SESN3: variants seen among roughly 807,000 people sequenced by gnomAD.
The protein encoded by SESN3 is sestrin 3, also known as sestrin-3.
Under a neutral mutation model 55.3 loss-of-function variants are expected in SESN3, and 21 were observed. The ratio of observed to expected loss-of-function variants is 0.38; its 90% confidence interval spans 0.27 to 0.55. The LOEUF is 0.55. Among genes scored for constraint, SESN3 ranks in the 20% least tolerant of loss-of-function variants. The probability of loss-of-function intolerance (pLI) is 0.76; values close to 1 mark genes in which losing one functional copy is unlikely to be tolerated. For synonymous variants in SESN3, 181 were observed against 203.1 expected, an observed-to-expected ratio of 0.89 and a Z score of 0.93; for missense variants, 408 against 604.3, an observed-to-expected ratio of 0.68 and a Z score of 3.41.
chr11:95,183,677 G>C (rs1337160666), intron 6 of SESN3, among the ~76,000 whole-genome samples: 1 of 115,428 alleles, frequency 8.7e-6, no homozygotes, highest in Non-Finnish European at 1.7e-5. Flanking sequence ...GCAAGACTCT[G>C]TCTCAAAAAA....
At chr11:95,218,351 A>C (rs537152643) in intron 1 of SESN3, among the ~76,000 whole-genome samples, 5 of 152,346 alleles carry the variant, frequency 3.3e-5, no homozygotes, top group Admixed American at 3.3e-4. Context: ...ATAAGTTGCA[A>C]GTCATCACGC....
chr11:95,231,021 C>A lies in SESN3; in HGVS notation c.-161G>T. The A allele has an allele frequency of 4.4e-6, 2 of 457,742 alleles. No individual in the cohort carries two copies. The highest frequency in any genetic ancestry group is 3.5e-5 in the East Asian group (1 of 28,172). 28.4% of individuals were successfully genotyped at this position (457,742 alleles called of 1,614,324 possible). On this transcript the variant is annotated 5_prime_UTR_variant, in exon 1 of 10. Transcript: ENST00000536441. ...GGAGAGGCGACTGCCTGAAAGCTAG[C>A]GGCACTGCCAGAGGCGACCACCGCG... is the stretch of plus-strand genomic sequence containing the variant.
At chr11:95,227,067 C>G (rs1433980179) in intron 1 of SESN3, among the ~76,000 whole-genome samples, 2 of 152,062 alleles carry the variant, frequency 1.3e-5, no homozygotes, top group African/African-American at 4.8e-5. Flanking sequence ...CATAATGTAA[C>G]TAGTGGTCCA....
rs558686757 is a variant in SESN3 at position 95,229,303 on chromosome 11, C to T, written c.78+1480G>A. 5.9e-5 allele frequency among the ~76,000 whole-genome samples: 9 copies of T among 152,306 alleles called. No individual in the cohort carries two copies. In the South Asian group the frequency reaches 1.9e-3, roughly 32 times the overall value. The stretch of plus-strand genomic sequence containing the variant: ...TGCACTTCTGATCCATTACATTTCT[C>T]ACAAGCTACCCTACAATGAGCTGAG... On this transcript the variant is annotated intron_variant, in intron 1 of 9. Transcript: ENST00000536441.
At chr11:95,217,460 C>T (rs942193608) in intron 1 of SESN3, among the ~76,000 whole-genome samples, 2 of 151,928 alleles carry the variant, frequency 1.3e-5, no homozygotes, top group African/African-American at 2.4e-5. Flanking sequence ...AGACCAGCCT[C>T]GCCAACATGG....
chr11:95,195,847 C>A (rs971256099), intron 1 of SESN3, among the ~76,000 whole-genome samples: 1 of 152,180 alleles, frequency 6.6e-6, no homozygotes, highest in Non-Finnish European at 1.5e-5. Flanking sequence ...ATTTTATTTT[C>A]ATCGGCTGAG....
At position 95,169,913 on chromosome 11, in the gene SESN3, T is replaced by A. The variant is rs1450850277; in HGVS notation, c.*3342A>T. 1 of 152,364 alleles carries A rather than the reference T, an allele frequency of 6.6e-6. No individual in the cohort carries two copies. Among genetic ancestry groups the A allele is most frequent in the East Asian group, 1.9e-4 (1 of 5,192 alleles). The allele number at this position is 152,364 out of a possible 1,614,324, so 9.4% of individuals were successfully genotyped here. ...TGGTTCAAATTTTATAGGATTCTTATATAAAACTTATATTGAGTTTTCTGT... is the reference window on the plus strand; with the variant it reads ...TGGTTCAAATTTTATAGGATTCTTAAATAAAACTTATATTGAGTTTTCTGT... On this transcript the variant is annotated 3_prime_UTR_variant, in exon 10 of 10. Coordinates refer to ENST00000536441, the MANE Select transcript of SESN3 (RefSeq NM_144665.4).
rs1859881554 is a variant in SESN3, at chr11:95,173,048, T to C, written c.*207A>G. The C allele has an allele frequency of 2.2e-6, 1 of 451,416 alleles. No homozygotes were observed. Among genetic ancestry groups the C allele is most frequent in the Non-Finnish European group, 4.0e-6 (1 of 247,478 alleles). 28.0% of individuals were successfully genotyped at this position (451,416 alleles called of 1,614,324 possible). A position where few individuals can be genotyped will look rare whatever the true frequency, so the allele number is the denominator to read the frequency against. On this transcript the variant is annotated 3_prime_UTR_variant, in exon 10 of 10. Coordinates refer to ENST00000536441, the MANE Select transcript of SESN3 (RefSeq NM_144665.4). Reference sequence around the variant, plus strand: ...AAAGTAGTGCTCCTCAGTATTATTTTTGCAATTGTTAGTAATGTTAAGCAT... The same window carrying C: ...AAAGTAGTGCTCCTCAGTATTATTTCTGCAATTGTTAGTAATGTTAAGCAT...
At chr11:95,219,463 ATTTC>A (rs1366695846) in intron 1 of SESN3, among the ~76,000 whole-genome samples, 1 of 152,184 alleles carries the variant, frequency 6.6e-6, no homozygotes, top group Non-Finnish European at 1.5e-5. Flanking sequence ...GTAAAACATG[ATTTC>A]TTTTTCATCT....
Position 95,193,501 on chromosome 11 carries a change from G to T in SESN3, c.100C>A (p.Gln34Lys). The T allele has an allele frequency of 6.3e-7, 1 of 1,591,760 alleles. No individual in the cohort carries two copies. Among genetic ancestry groups the T allele is most frequent in the Non-Finnish European group, 8.6e-7 (1 of 1,161,252 alleles). ...GCACTTGGTCCTCTTGTCAAGGGTTGAGACACTCTGATTCTTTTATCCTAT... is the reference window on the plus strand; with the variant it reads ...GCACTTGGTCCTCTTGTCAAGGGTTTAGACACTCTGATTCTTTTATCCTAT... ...LRKDKRIRVSQPLTRGPSAFI... is the reference protein window; with the variant it reads ...LRKDKRIRVSKPLTRGPSAFI... Residue 34 changes from glutamine to lysine, a missense_variant, in exon 2 of 10, where the codon CAA becomes AAA. Gln to Lys is a moderately conservative substitution (Grantham distance 53, BLOSUM62 1). Coordinates refer to ENST00000536441, the MANE Select transcript of SESN3 (RefSeq NM_144665.4).
intron 1 of SESN3, among the ~76,000 whole-genome samples, chr11:95,220,485 A>G (rs970151278): frequency 2.0e-5 from 3 of 152,214 alleles, no homozygotes; most frequent in Non-Finnish European, 4.4e-5. Context: ...TCACATAATT[A>G]GGATTTACAC....
chr11:95,173,694 A>AT lies in SESN3; in HGVS notation c.1393-354dup, dbSNP rs552291134. Reference sequence around the variant, plus strand: ...TTTACATGGCTAAAAATCAGCCCTCATTTTTTTTTTTAACAGTTTATGCTT... The same window carrying AT: ...TTTACATGGCTAAAAATCAGCCCTCATTTTTTTTTTTTAACAGTTTATGCTT... On this transcript the variant is annotated intron_variant, in intron 9 of 9. Coordinates refer to ENST00000536441, the MANE Select transcript of SESN3 (RefSeq NM_144665.4). Among the ~76,000 whole-genome samples, 273 of 146,864 alleles carry AT rather than the reference A, an allele frequency of 1.9e-3. 1 individual carries two copies. The highest frequency in any genetic ancestry group is 7.5e-3 in the South Asian group (35 of 4,668).
In SESN3 at chr11:95,177,911, TAA is replaced by T. The variant is rs763908677; in HGVS notation, c.1057-4_1057-3del. 3 of 1,549,988 alleles carry T rather than the reference TAA, an allele frequency of 1.9e-6. No homozygotes were observed. The South Asian group carries it at 3.6e-5, about 19-fold the overall frequency. ...CCCATGATTTTCCCAGGTATAGTCC[TAA>T]AAGAATAAAATGTATTTAATTACAA... On this transcript the variant is annotated splice_region_variant and splice_polypyrimidine_tract_variant and intron_variant, in intron 7 of 9. Coordinates refer to ENST00000536441, the MANE Select transcript of SESN3 (RefSeq NM_144665.4).
At chr11:95,207,074 C>T (rs189691704) in intron 1 of SESN3, among the ~76,000 whole-genome samples, 56 of 152,250 alleles carry the variant, frequency 3.7e-4, no homozygotes, top group African/African-American at 7.2e-5. Context: ...CCACCACGCG[C>T]GGCCAACATT....
chr11:95,210,911 T>C (rs1860642332), intron 1 of SESN3, among the ~76,000 whole-genome samples: 1 of 152,176 alleles, frequency 6.6e-6, no homozygotes, highest in South Asian at 2.1e-4. Context: ...TTCTTCTTTA[T>C]ATCAAAGGTT....
At chr11:95,218,908 T>A (rs988595102) in intron 1 of SESN3, among the ~76,000 whole-genome samples, 6 of 152,224 alleles carry the variant, frequency 3.9e-5, no homozygotes, top group African/African-American at 9.6e-5. Flanking sequence ...CGCCTCGGCC[T>A]CCCAAAGTGC....
intron 1 of SESN3, among the ~76,000 whole-genome samples, chr11:95,200,326 C>T (rs1246758170): frequency 2.0e-5 from 3 of 151,998 alleles, no homozygotes; most frequent in Admixed American, 1.3e-4. Flanking sequence ...AAATTCAGTT[C>T]CCACTATCTC....
At chr11:95,195,634 AT>A (rs1460350168) in intron 1 of SESN3, among the ~76,000 whole-genome samples, 1 of 152,176 alleles carries the variant, frequency 6.6e-6, no homozygotes, top group Admixed American at 6.6e-5. Flanking sequence ...ACTGTTGAAC[AT>A]TTTAGTTATA....
upstream of SESN3, chr11:95,231,255 C>T (rs1288361506): frequency 7.6e-6 from 3 of 394,190 alleles, no homozygotes; most frequent in Admixed American, 4.5e-5. Context: ...TCCGGTACCG[C>T]CCCTCCCGCC....
Sources: allele counts gnomAD v4.1 joint callset (sites outside exome capture counted in the v4.1 genomes callset), GRCh38; gene constraint gnomAD v4.1.1; transcripts MANE v1.5; gene names NCBI Gene and HGNC (gene_info 2026-07-23, HGNC 2026-07-21).